Variants in ACADSB observed in about 807,000 individuals in gnomAD.
ACADSB encodes acyl-CoA dehydrogenase short/branched chain.
Under a neutral mutation model 54.1 loss-of-function variants are expected in ACADSB, and 40 were observed. The ratio of observed to expected loss-of-function variants is 0.74; its 90% CI spans 0.57 to 0.96. The LOEUF (loss-of-function observed/expected upper bound fraction) is 0.96, where lower values mean the gene tolerates loss of function less well. ACADSB is among the 40% of genes least tolerant of loss of function. ACADSB has a pLI of 0.00. For synonymous variants in ACADSB, 182 were observed against 182.8 expected (o/e 1.00, Z 0.03); for missense variants, 530 against 510.4 (o/e 1.04, Z -0.37).
intron 5 of ACADSB, among the ~76,000 whole-genome samples, chr10:123,042,649 T>C (rs144762251): frequency 0.018 from 2,797 of 151,712 alleles, 104 homozygotes; most frequent in African/African-American, 0.066. Flanking sequence ...TTTTTCACCA[T>C]GTTGGCCAGG....
rs1488665513 is a variant in ACADSB, at chr10:123,057,576, C to T, written c.*3811C>T. The T allele has an allele frequency of 6.6e-6, 1 of 152,148 alleles. No individual in the cohort carries two copies. Among genetic ancestry groups the T allele is most frequent in the African/African-American group, 2.4e-5 (1 of 41,444 alleles). 9.4% of individuals were successfully genotyped at this position (152,148 alleles called of 1,614,324 possible). ...ATTTGAGGACTGGGCTGTCTTGGGGCTCAGAAGATAAAGAACTATTTGAGC... is the reference window on the plus strand; with the variant it reads ...ATTTGAGGACTGGGCTGTCTTGGGGTTCAGAAGATAAAGAACTATTTGAGC... On this transcript the variant is annotated 3_prime_UTR_variant, in exon 11 of 11. Coordinates refer to ENST00000358776, the MANE Select transcript of ACADSB (RefSeq NM_001609.4).
At position 123,042,918 on chromosome 10, in the gene ACADSB, G is replaced by A. The variant is rs1338605169; in HGVS notation, c.682-128G>A. The A allele has an allele frequency of 5.0e-6, 5 of 1,000,636 alleles. No individual in the cohort carries two copies. In the South Asian group the frequency reaches 5.7e-5, roughly 11 times the overall value. The allele number at this position is 1,000,636 out of a possible 1,614,324, so 62.0% of individuals were successfully genotyped here. On this transcript the variant is annotated intron_variant, in intron 5 of 10. Coordinates refer to ENST00000358776, the MANE Select transcript of ACADSB (RefSeq NM_001609.4). ...GCTGCTCTCGTTTCATAATGCCCAT[G>A]TTGCAATTCTGAGTCCATTAGTATT...
intron 1 of ACADSB, among the ~76,000 whole-genome samples, chr10:123,013,870 C>T (rs757570105): frequency 8.5e-5 from 13 of 152,210 alleles, no homozygotes; most frequent in African/African-American, 1.2e-4. Context: ...CCCTGGTTCC[C>T]GCCCATGCCT....
At chr10:123,016,989 T>TACAA (rs1285859549) in intron 1 of ACADSB, among the ~76,000 whole-genome samples, 2 of 152,114 alleles carry the variant, frequency 1.3e-5, no homozygotes, top group East Asian at 3.9e-4. Context: ...CTCAATTTGG[T>TACAA]AACCCCCTGT....
At chr10:123,039,193 G>C (rs1275183570) in intron 3 of ACADSB, among the ~76,000 whole-genome samples, 1 of 152,174 alleles carries the variant, frequency 6.6e-6, no homozygotes, top group Non-Finnish European at 1.5e-5. Flanking sequence ...TTGTAATGAG[G>C]TTTCCGGAGT....
At chr10:123,047,128 T>A (rs1204278132) in intron 7 of ACADSB, 81 bp from the exon 8 acceptor site, 1 of 1,160,352 alleles carries the variant, frequency 8.6e-7, no homozygotes, top group African/African-American at 1.5e-5. Flanking sequence ...ATTCAATTTA[T>A]GTTTAGAGGG....
At chr10:123,040,393 A>T in intron 3 of ACADSB, 73 bp from the exon 4 acceptor site, 1 of 1,255,374 alleles carries the variant, frequency 8.0e-7, no homozygotes. Context: ...TTTATTTTTT[A>T]ACTTGTTCAT....
At chr10:123,014,224 C>A (rs1171358004) in intron 1 of ACADSB, among the ~76,000 whole-genome samples, 1 of 152,238 alleles carries the variant, frequency 6.6e-6, no homozygotes, top group Non-Finnish European at 1.5e-5. Flanking sequence ...TGACACATCT[C>A]TTAACCTGAG....
intron 1 of ACADSB, among the ~76,000 whole-genome samples, chr10:123,011,140 A>G (rs116420898): frequency 6.1e-4 from 93 of 152,256 alleles, no homozygotes; most frequent in African/African-American, 2.2e-3. Flanking sequence ...AGTGGCATGG[A>G]GTGGGGAGAA....
chr10:123,031,473 A>G (rs1394230562), intron 1 of ACADSB, among the ~76,000 whole-genome samples: 1 of 152,234 alleles, frequency 6.6e-6, no homozygotes, highest in Non-Finnish European at 1.5e-5. Flanking sequence ...ACAATGGGTT[A>G]TAACTGTGGA....
intron 1 of ACADSB, among the ~76,000 whole-genome samples, chr10:123,031,441 C>CA (rs984517869): frequency 4.6e-5 from 7 of 152,006 alleles, no homozygotes; most frequent in South Asian, 2.1e-4. Flanking sequence ...CTGTTCTATA[C>CA]AAAAAAATGT....
At chr10:123,010,219 C>G (rs1166703217) in intron 1 of ACADSB, among the ~76,000 whole-genome samples, 1 of 152,208 alleles carries the variant, frequency 6.6e-6, no homozygotes, top group Non-Finnish European at 1.5e-5. Context: ...CTACCTGAGT[C>G]ATCTCAATTC....
chr10:123,053,002 G>C (rs1345236166), intron 9 of ACADSB, 59 bp from the exon 10 acceptor site: 1 of 1,329,944 alleles, frequency 7.5e-7, no homozygotes, highest in South Asian at 1.2e-5. Context: ...TTACCCAGAA[G>C]TGTTTATCAT....
intron 8 of ACADSB, 138 bp from the exon 9 acceptor site, chr10:123,050,911 A>G: frequency 2.5e-5 from 20 of 807,308 alleles, no homozygotes; most frequent in Non-Finnish European, 3.9e-5. Context: ...ATTTTAAAGT[A>G]TTTAAAAGAC....
At chr10:123,044,948 A>C (rs920022160) in intron 7 of ACADSB, among the ~76,000 whole-genome samples, 1 of 151,702 alleles carries the variant, frequency 6.6e-6, no homozygotes, top group Admixed American at 6.6e-5. Context: ...TTTTGGCGGC[A>C]CATGAAATAA....
rs1249831392 is a variant in ACADSB, at chr10:123,056,752, G to C, written c.*2987G>C. 3 of 152,126 alleles carry C rather than the reference G, an allele frequency of 2.0e-5. No individual in the cohort carries two copies. In the South Asian group the frequency reaches 6.2e-4, roughly 31 times the overall value. The allele number at this position is 152,126 out of a possible 1,614,324, so 9.4% of individuals were successfully genotyped here. A position where few individuals can be genotyped will look rare whatever the true frequency, so the allele number is the denominator to read the frequency against. ...GAAACATTTTAGTAATTTAATAAAAGGATAATGTTTATTTAAAAAACCTGA... is the reference window on the plus strand; with the variant it reads ...GAAACATTTTAGTAATTTAATAAAACGATAATGTTTATTTAAAAAACCTGA... On this transcript the variant is annotated 3_prime_UTR_variant, in exon 11 of 11. Coordinates refer to ENST00000358776, the MANE Select transcript of ACADSB (RefSeq NM_001609.4).
At chr10:123,020,623 TATG>T (rs1269197806) in intron 1 of ACADSB, among the ~76,000 whole-genome samples, 3 of 152,338 alleles carry the variant, frequency 2.0e-5, no homozygotes, top group Non-Finnish European at 4.4e-5. Context: ...TGCTGGGTCA[TATG>T]ATAATTGCAT....
chr10:123,010,673 T>C (rs1280622361), intron 1 of ACADSB, among the ~76,000 whole-genome samples: 1 of 152,178 alleles, frequency 6.6e-6, no homozygotes, highest in East Asian at 1.9e-4. Context: ...AATGAGCTCA[T>C]ATGTTCATGT....
At chr10:123,036,704 G>C (rs1371320336) in intron 2 of ACADSB, among the ~76,000 whole-genome samples, 1 of 152,196 alleles carries the variant, frequency 6.6e-6, no homozygotes, top group Admixed American at 6.5e-5. Flanking sequence ...GGGGAACAAA[G>C]CAGAGAACAC....
Sources: allele counts gnomAD v4.1 joint callset (sites outside exome capture counted in the v4.1 genomes callset), GRCh38; gene constraint gnomAD v4.1.1; transcripts MANE v1.5; gene names NCBI Gene and HGNC (gene_info 2026-07-23, HGNC 2026-07-21).